TENM4: variants seen among roughly 807,000 people sequenced by gnomAD.
The protein encoded by TENM4 is teneurin-4.
Under a neutral mutation model 243.3 loss-of-function variants are expected in TENM4, and 82 were observed. That is an observed-to-expected ratio of 0.34 (90% CI 0.28 to 0.40). TENM4 has a LOEUF of 0.40. Ranked by LOEUF, TENM4 falls within the 10% of genes least tolerant of loss-of-function variation. The pLI is 1.00. For missense variants in TENM4, 3,138 were observed against 3,673.3 expected, an observed-to-expected ratio of 0.85 and a Z score of 3.77; for synonymous variants, 1,412 against 1,456.3, an observed-to-expected ratio of 0.97 and a Z score of 0.69.
chr11:78,892,647 T>C (rs1013691726), intron 7 of TENM4, among the ~76,000 whole-genome samples: 1 of 152,258 alleles, frequency 6.6e-6, no homozygotes, highest in African/African-American at 2.4e-5. Context: ...TAATGCTAAG[T>C]ATAATAGTTA....
chr11:78,988,221 C>T (rs971164772), intron 6 of TENM4, among the ~76,000 whole-genome samples: 2 of 152,150 alleles, frequency 1.3e-5, no homozygotes, highest in Non-Finnish European at 2.9e-5. Context: ...TGGAGGGGTC[C>T]ATGTGTAAGA....
At chr11:79,327,770 T>A (rs1856998178) in intron 1 of TENM4, among the ~76,000 whole-genome samples, 1 of 150,074 alleles carries the variant, frequency 6.7e-6, no homozygotes, top group Admixed American at 6.7e-5. Flanking sequence ...GTGATCTGAA[T>A]CCTGGTACCT....
chr11:78,882,964 A>C (rs989434857), intron 9 of TENM4, among the ~76,000 whole-genome samples: 6 of 152,214 alleles, frequency 3.9e-5, no homozygotes, highest in Non-Finnish European at 8.8e-5. Flanking sequence ...CTATTACACA[A>C]ATTGGAATGT....
chr11:78,743,912 T>G (rs1285110269), intron 19 of TENM4, among the ~76,000 whole-genome samples: 2 of 152,238 alleles, frequency 1.3e-5, no homozygotes, highest in African/African-American at 4.8e-5. Context: ...AGGTGGCAAA[T>G]GATAAATCTA....
chr11:79,177,631 G>A (rs941192724), intron 3 of TENM4, among the ~76,000 whole-genome samples: 2 of 152,138 alleles, frequency 1.3e-5, no homozygotes, highest in African/African-American at 4.8e-5. Context: ...GAGGAAGGAG[G>A]GTATGGTTAG....
At chr11:79,056,552 G>A (rs766351177) in intron 6 of TENM4, among the ~76,000 whole-genome samples, 6 of 152,016 alleles carry the variant, frequency 3.9e-5, no homozygotes, top group Non-Finnish European at 7.4e-5. Flanking sequence ...GAGGCCCCAG[G>A]TCAAACTTCA....
intron 2 of TENM4, among the ~76,000 whole-genome samples, chr11:79,289,803 CA>C (rs1856323004): frequency 6.6e-6 from 1 of 152,208 alleles, no homozygotes; most frequent in Admixed American, 6.5e-5. Context: ...TACTCCTCAA[CA>C]AAGGAAGACT....
chr11:78,770,920 T>C, intron 18 of TENM4, 72 bp downstream of exon 18: 1 of 1,532,570 alleles, frequency 6.5e-7, no homozygotes, highest in Admixed American at 2.0e-5. Context: ...GTTAGCTCAG[T>C]AATATCCATT....
chr11:79,180,429 G>C (rs1220745650), intron 3 of TENM4, among the ~76,000 whole-genome samples: 2 of 151,610 alleles, frequency 1.3e-5, no homozygotes, highest in South Asian at 2.1e-4. Flanking sequence ...CAACAGCCAA[G>C]TAGTCAGGCA....
chr11:78,702,730 G>A (rs1396582275), intron 27 of TENM4, among the ~76,000 whole-genome samples: 1 of 152,190 alleles, frequency 6.6e-6, no homozygotes, highest in Non-Finnish European at 1.5e-5. Context: ...ATGACTGTGG[G>A]CAAGTTACTT....
rs182898123 is a variant in TENM4, at chr11:78,810,665, G to T, written c.1978+1457C>A. Among the ~76,000 whole-genome samples the T allele has an allele frequency of 3.1e-3, 475 of 152,306 alleles. 3 individuals carry two copies. The highest frequency in any genetic ancestry group is 0.011 in the African/African-American group (461 of 41,564). ...TGAATCAGGACTTCCAGCCACGCTTGGGGTTTATATACAGCTTGTCTCAGA... is the reference window on the plus strand; with the variant it reads ...TGAATCAGGACTTCCAGCCACGCTTTGGGTTTATATACAGCTTGTCTCAGA... On this transcript the variant is annotated intron_variant, in intron 14 of 33. Transcript: ENST00000278550.
chr11:78,832,317 ATTG>A (rs1858003556), intron 12 of TENM4, among the ~76,000 whole-genome samples: 1 of 152,126 alleles, frequency 6.6e-6, no homozygotes, highest in East Asian at 1.9e-4. Context: ...TACTCCCCCA[ATTG>A]TTGTTTTTAA....
chr11:78,661,307 G>T, intron 33 of TENM4, 142 bp downstream of exon 33: 3 of 1,086,040 alleles, frequency 2.8e-6, no homozygotes, highest in Non-Finnish European at 3.9e-6. Flanking sequence ...TTACTAAGTA[G>T]TTGTTGAACA....
At chr11:79,419,350 C>A (rs77165503) in intron 1 of TENM4, among the ~76,000 whole-genome samples, 2 of 152,110 alleles carry the variant, frequency 1.3e-5, no homozygotes, top group Non-Finnish European at 2.9e-5. Context: ...ACAGGGCAGT[C>A]GAGCTGTTCA....
At chr11:79,420,087 G>A (rs1047084630) in intron 1 of TENM4, among the ~76,000 whole-genome samples, 4 of 152,112 alleles carry the variant, frequency 2.6e-5, no homozygotes, top group South Asian at 2.1e-4. Flanking sequence ...TTCCATATAT[G>A]TATTTTAAAA....
intron 2 of TENM4, among the ~76,000 whole-genome samples, chr11:79,287,138 A>G (rs1297999879): frequency 6.6e-6 from 1 of 152,250 alleles, no homozygotes; most frequent in African/African-American, 2.4e-5. Context: ...TAAGGAAAGT[A>G]GTATTGCCCT....
chr11:78,923,688 C>A (rs896221097), intron 6 of TENM4, among the ~76,000 whole-genome samples: 1 of 97,000 alleles, frequency 1.0e-5, no homozygotes, highest in Non-Finnish European at 2.2e-5. Flanking sequence ...CAGGCATGCA[C>A]CTGGCTTTTT....
At chr11:78,831,258 A>G (rs1857972654) in intron 12 of TENM4, among the ~76,000 whole-genome samples, 1 of 152,218 alleles carries the variant, frequency 6.6e-6, no homozygotes, top group South Asian at 2.1e-4. Flanking sequence ...CTGCACTGGC[A>G]TTAGTCATCT....
chr11:78,982,496 C>T (rs1419677985), intron 6 of TENM4, among the ~76,000 whole-genome samples: 6 of 152,092 alleles, frequency 3.9e-5, no homozygotes, highest in African/African-American at 4.8e-5. Flanking sequence ...CTCAGAGGGT[C>T]CCCTGCAGTG....
Sources: allele counts gnomAD v4.1 joint callset (sites outside exome capture counted in the v4.1 genomes callset), GRCh38; gene constraint gnomAD v4.1.1; transcripts MANE v1.5; gene names NCBI Gene and HGNC (gene_info 2026-07-23, HGNC 2026-07-21).